The following XKR9 variants were observed in gnomAD, a reference collection of about 807,000 sequenced individuals.
The protein encoded by XKR9 is XK related 9.
Under a neutral mutation model 32.0 loss-of-function variants are expected in XKR9, and 32 were observed. The ratio of observed to expected loss-of-function variants is 1.00; its 90% confidence interval spans 0.76 to 1.34. XKR9 has a LOEUF of 1.34. Ranked by LOEUF, XKR9 falls within the 40% of genes most tolerant of loss-of-function variation. XKR9 has a pLI of 0.00. For synonymous variants in XKR9, 168 were observed against 143.4 expected (o/e 1.17, Z -1.22); for missense variants, 546 against 429.7 (o/e 1.27, Z -2.39).
chr8:70,877,118 G>A, the XKR9 span, among the ~76,000 whole-genome samples: 1 of 152,026 alleles, frequency 6.6e-6, no homozygotes, highest in Admixed American at 6.6e-5. Context: ...CCTCTTCACA[G>A]GGTGGCAAGG....
the XKR9 span, among the ~76,000 whole-genome samples, chr8:70,927,361 G>A: frequency 1.3e-5 from 2 of 152,068 alleles, no homozygotes; most frequent in Non-Finnish European, 2.9e-5. Context: ...GCAGTGGGTG[G>A]CGTCTCCTTT....
chr8:70,776,947 C>CTCTCTCTCTCTCTCTCTCTCTA, intron 2 of XKR9, among the ~76,000 whole-genome samples: 19 of 54,210 alleles, frequency 3.5e-4, no homozygotes, highest in Admixed American at 9.9e-4. Context: ...CTCTCTCTCT[C>CTCTCTCTCTCTCTCTCTCTCTA]TATATATATA....
At chr8:70,758,817 G>C (rs1014090286) in intron 2 of XKR9, among the ~76,000 whole-genome samples, 2 of 152,178 alleles carry the variant, frequency 1.3e-5, no homozygotes, top group Non-Finnish European at 2.9e-5. Context: ...CAGCAGGCAT[G>C]GGCAGTGAAG....
At chr8:70,750,029 GTA>G (rs1807116409) in intron 2 of XKR9, among the ~76,000 whole-genome samples, 3 of 152,090 alleles carry the variant, frequency 2.0e-5, no homozygotes. Context: ...TGTGGTGTGT[GTA>G]TGCATGAATG....
the XKR9 span, among the ~76,000 whole-genome samples, chr8:71,059,466 A>C: frequency 6.6e-6 from 1 of 152,238 alleles, no homozygotes; most frequent in African/African-American, 2.4e-5. Context: ...TGGGAAAAGT[A>C]TATCAAAGTG....
intron 3 of XKR9, among the ~76,000 whole-genome samples, chr8:70,690,026 T>C (rs1324952433): frequency 6.6e-6 from 1 of 152,118 alleles, no homozygotes; most frequent in Non-Finnish European, 1.5e-5. Flanking sequence ...AAAAAGAAAA[T>C]TGAATTAGGT....
chr8:70,802,081 C>T, the XKR9 span, among the ~76,000 whole-genome samples: 16 of 151,886 alleles, frequency 1.1e-4, no homozygotes, highest in Non-Finnish European at 1.8e-4. Flanking sequence ...GGACTACAGG[C>T]GCCCACCACC....
chr8:70,694,918 T>C (rs1259616618), intron 3 of XKR9, among the ~76,000 whole-genome samples: 1 of 152,194 alleles, frequency 6.6e-6, no homozygotes, highest in African/African-American at 2.4e-5. Flanking sequence ...GAGTGGCTGC[T>C]CTGCTGAGAC....
chr8:70,773,961 G>A lies in XKR9; in HGVS notation n.353-15378G>A, dbSNP rs148351675. ...AATGTTCACTGGAAACAGTTTCACA[G>A]CAATCTGTTGGCATCATTTTTTAAT... On this transcript the variant is annotated intron_variant and non_coding_transcript_variant, in intron 2 of 3. Coordinates refer to the XKR9 transcript ENST00000520273. 2.2e-3 allele frequency among the ~76,000 whole-genome samples: 335 copies of A among 151,656 alleles called. 2 individuals carry two copies. The highest frequency in any genetic ancestry group is 7.8e-3 in the African/African-American group (324 of 41,480).
rs145087465 is a variant in XKR9 at position 70,679,661 on chromosome 8, A to T, written c.-278-1120A>T. The stretch of plus-strand genomic sequence containing the variant: ...TTCTGTTTTTTGTTAGCAGTCAAAC[A>T]TTTGTGTTTTTTGTGAAATGTTGGC... On this transcript the variant is annotated intron_variant, in intron 2 of 4. Coordinates refer to ENST00000408926, the MANE Select transcript of XKR9 (RefSeq NM_001011720.2). Among the ~76,000 whole-genome samples the T allele has an allele frequency of 4.6e-5, 7 of 152,316 alleles. No homozygotes were observed. The South Asian group carries it at 8.3e-4, about 18-fold the overall frequency.
intron 2 of XKR9, among the ~76,000 whole-genome samples, chr8:70,677,872 T>G (rs1043372147): frequency 6.6e-6 from 1 of 152,210 alleles, no homozygotes; most frequent in African/African-American, 2.4e-5. Flanking sequence ...CTACCATCTA[T>G]TCTTCTCCTA....
At chr8:71,050,304 G>T in the XKR9 span, among the ~76,000 whole-genome samples, 326 of 131,566 alleles carry the variant, frequency 2.5e-3, 1 homozygote, top group African/African-American at 7.0e-3. Flanking sequence ...TATATATATA[G>T]ATATAGATAT....
At chr8:70,975,154 T>A in the XKR9 span, among the ~76,000 whole-genome samples, 1 of 152,224 alleles carries the variant, frequency 6.6e-6, no homozygotes, top group Non-Finnish European at 1.5e-5. Context: ...CTCTGTCAGA[T>A]GAGTAGATTT....
chr8:70,871,672 G>C, the XKR9 span, among the ~76,000 whole-genome samples: 1 of 151,986 alleles, frequency 6.6e-6, no homozygotes, highest in South Asian at 2.1e-4. Context: ...GGGCCTTCCT[G>C]TTCCCTGAGA....
the XKR9 span, among the ~76,000 whole-genome samples, chr8:70,828,321 T>C: frequency 1.2e-4 from 18 of 152,212 alleles, no homozygotes; most frequent in South Asian, 2.1e-4. Context: ...GTAGGTCCCA[T>C]GTAAACTTAG....
At chr8:70,877,839 C>A in the XKR9 span, among the ~76,000 whole-genome samples, 225 of 152,230 alleles carry the variant, frequency 1.5e-3, no homozygotes, top group Non-Finnish European at 2.8e-3. Context: ...ACAAGAAGAG[C>A]AACCCAAGAC....
intron 2 of XKR9, among the ~76,000 whole-genome samples, chr8:70,741,124 A>G (rs367566561): frequency 1.3e-5 from 2 of 152,248 alleles, no homozygotes; most frequent in African/African-American, 4.8e-5. Context: ...GGTTCCACCC[A>G]GTTCGAGCAT....
the XKR9 span, among the ~76,000 whole-genome samples, chr8:70,852,963 C>T: frequency 6.6e-6 from 1 of 151,718 alleles, no homozygotes; most frequent in African/African-American, 2.4e-5. Flanking sequence ...AACAAACCTG[C>T]ACATTCTGCA....
the XKR9 span, among the ~76,000 whole-genome samples, chr8:70,907,791 T>C: frequency 1.3e-5 from 2 of 152,260 alleles, no homozygotes; most frequent in East Asian, 3.8e-4. Context: ...TATTCTTTGC[T>C]TTCTAAGTTT....
Sources: allele counts gnomAD v4.1 joint callset (sites outside exome capture counted in the v4.1 genomes callset), GRCh38; gene constraint gnomAD v4.1.1; transcripts MANE v1.5; gene names NCBI Gene and HGNC (gene_info 2026-07-23, HGNC 2026-07-21).